PPP2R2A: variants seen among roughly 807,000 people sequenced by gnomAD.
The protein encoded by PPP2R2A is protein phosphatase 2 regulatory subunit Balpha.
PPP2R2A carries 9 observed loss-of-function variants against 53.2 expected under a neutral mutation model. The ratio of observed to expected loss-of-function variants is 0.17; its 90% confidence interval spans 0.10 to 0.30. The LOEUF (loss-of-function observed/expected upper bound fraction) is 0.30, where lower values mean the gene tolerates loss of function less well. Ranked by LOEUF, PPP2R2A falls within the 10% of genes least tolerant of loss-of-function variation. The pLI is 1.00. For missense variants in PPP2R2A, 235 were observed against 534.6 expected, an observed-to-expected ratio of 0.44 and a Z score of 5.53; for synonymous variants, 169 against 174.2, an observed-to-expected ratio of 0.97 and a Z score of 0.23.
Position 26,301,681 on chromosome 8 carries a change from C to T in PPP2R2A, c.82+7941C>T, listed in dbSNP as rs370936163. Among the ~76,000 whole-genome samples, 16 of 152,144 alleles carry T rather than the reference C, an allele frequency of 1.1e-4. No individual in the cohort carries two copies. The East Asian group carries it at 2.5e-3, about 24-fold the overall frequency. ...TATGTGCATTTCTCTGGTCGGAGTC[C>T]GTAGCTGCCATCAAAATTGATATCA... On this transcript the variant is annotated intron_variant, in intron 2 of 9. Coordinates refer to ENST00000380737, the MANE Select transcript of PPP2R2A (RefSeq NM_002717.4).
intron 2 of PPP2R2A, among the ~76,000 whole-genome samples, chr8:26,327,863 C>T (rs1362439685): frequency 1.3e-5 from 2 of 152,048 alleles, no homozygotes; most frequent in Admixed American, 6.6e-5. Context: ...GGTCATGTGA[C>T]CTAACAGAAT....
At chr8:26,327,292 A>G (rs1446970576) in intron 2 of PPP2R2A, among the ~76,000 whole-genome samples, 1 of 152,212 alleles carries the variant, frequency 6.6e-6, no homozygotes, top group Non-Finnish European at 1.5e-5. Flanking sequence ...TTGCCCCTCC[A>G]TGCCTACTGC....
At chr8:26,351,411 A>G (rs1433418360) in intron 3 of PPP2R2A, among the ~76,000 whole-genome samples, 6 of 152,216 alleles carry the variant, frequency 3.9e-5, no homozygotes, top group African/African-American at 1.4e-4. Context: ...AAATTGTAGA[A>G]TTAACTTCCT....
intron 1 of PPP2R2A, chr8:26,292,148 T>G: frequency 8.3e-7 from 1 of 1,211,044 alleles, no homozygotes; most frequent in Non-Finnish European, 1.0e-6. Context: ...GGGAGCCTGG[T>G]GGATCTTCTC....
chr8:26,320,152 A>C (rs767916144), intron 2 of PPP2R2A, among the ~76,000 whole-genome samples: 3 of 152,212 alleles, frequency 2.0e-5, no homozygotes, highest in Non-Finnish European at 4.4e-5. Context: ...TGTGCTGTAC[A>C]GGATAGCTAC....
At chr8:26,308,186 A>G (rs1563286820) in intron 2 of PPP2R2A, among the ~76,000 whole-genome samples, 3 of 152,360 alleles carry the variant, frequency 2.0e-5, no homozygotes, top group Admixed American at 1.3e-4. Flanking sequence ...GCAAGTTTAC[A>G]TTTTTTGCCA....
At chr8:26,315,876 C>G (rs1802530365) in intron 2 of PPP2R2A, among the ~76,000 whole-genome samples, 1 of 152,100 alleles carries the variant, frequency 6.6e-6, no homozygotes. Flanking sequence ...ACAAGTGTAT[C>G]AAAATGTTTA....
intron 2 of PPP2R2A, among the ~76,000 whole-genome samples, chr8:26,300,390 A>G (rs1563281880): frequency 6.6e-6 from 1 of 152,208 alleles, no homozygotes; most frequent in Non-Finnish European, 1.5e-5. Flanking sequence ...TGATTGTAGG[A>G]AGAAAGGTAC....
At chr8:26,312,767 G>T (rs919152762) in intron 2 of PPP2R2A, among the ~76,000 whole-genome samples, 26 of 152,052 alleles carry the variant, frequency 1.7e-4, no homozygotes, top group Non-Finnish European at 3.7e-4. Flanking sequence ...TTTTATCTTT[G>T]CCATTTTTCT....
chr8:26,337,516 C>G (rs996531256), intron 2 of PPP2R2A, among the ~76,000 whole-genome samples: 1 of 152,172 alleles, frequency 6.6e-6, no homozygotes, highest in Admixed American at 6.5e-5. Flanking sequence ...TATTTTTAAT[C>G]CTTTATTCGC....
chr8:26,300,206 C>T (rs540617593), intron 2 of PPP2R2A, among the ~76,000 whole-genome samples: 1 of 152,054 alleles, frequency 6.6e-6, no homozygotes, highest in Non-Finnish European at 1.5e-5. Context: ...AAAAATTAGC[C>T]TTAGGTGTTT....
In PPP2R2A at chr8:26,346,939, G is replaced by A. The variant is rs185091996; in HGVS notation, c.181-7529G>A. On this transcript the variant is annotated intron_variant, in intron 3 of 9. Coordinates refer to ENST00000380737, the MANE Select transcript of PPP2R2A (RefSeq NM_002717.4). The stretch of plus-strand genomic sequence containing the variant: ...TCTGAAATCAGGCGCCTCAAATGTC[G>A]GGGTGTCATGCATTTACCTGCATCA... Among the ~76,000 whole-genome samples, 33 of 152,212 alleles carry A rather than the reference G, an allele frequency of 2.2e-4. No individual in the cohort carries two copies. The East Asian group carries it at 5.2e-3, about 24-fold the overall frequency.
Position 26,291,691 on chromosome 8 carries a change from G to A in PPP2R2A, c.-129G>A. On this transcript the variant is annotated 5_prime_UTR_variant, in exon 1 of 10. Transcript: ENST00000380737. Reference sequence around the variant, plus strand: ...CTCCTTCCTTTTCCCCCCGGCCCCCGTCCCCTCCCCCCGCAGGTGCCATCC... The same window carrying A: ...CTCCTTCCTTTTCCCCCCGGCCCCCATCCCCTCCCCCCGCAGGTGCCATCC... The A allele has an allele frequency of 9.7e-6, 1 of 102,728 alleles. No homozygotes were observed. Among genetic ancestry groups the A allele is most frequent in the Non-Finnish European group, 1.9e-5 (1 of 51,602 alleles). The allele number at this position is 102,728 out of a possible 1,614,324, so 6.4% of individuals were successfully genotyped here.
intron 3 of PPP2R2A, among the ~76,000 whole-genome samples, chr8:26,341,520 C>G (rs1406575771): frequency 6.6e-6 from 1 of 152,152 alleles, no homozygotes; most frequent in Non-Finnish European, 1.5e-5. Context: ...ATAGTCCTTT[C>G]CTAATTTGTA....
rs192582268 is a variant in PPP2R2A, at chr8:26,317,847, G to T, written c.83-21043G>T. 2.0e-5 allele frequency among the ~76,000 whole-genome samples: 3 copies of T among 152,304 alleles called. No individual in the cohort carries two copies. The East Asian group carries it at 5.8e-4, about 29-fold the overall frequency. ...GTTTTGCCAGAGATTACCCAGGATT[G>T]CAGGTTTGTTCTGCTCAGGGTCTAG... On this transcript the variant is annotated intron_variant, in intron 2 of 9. Coordinates refer to ENST00000380737, the MANE Select transcript of PPP2R2A (RefSeq NM_002717.4).
In PPP2R2A at chr8:26,338,708, AT is replaced by A. The variant is rs1002028235; in HGVS notation, c.83-180del. 6.6e-6 allele frequency among the ~76,000 whole-genome samples: 1 copy of A among 152,210 alleles called. No individual in the cohort carries two copies. Among genetic ancestry groups the A allele is most frequent in the African/African-American group, 2.4e-5 (1 of 41,458 alleles). ...CTGGTTTATTCTGAGGAGAATTTTT[AT>A]TAGTGGATCAAAATATTTATGAAAG... On this transcript the variant is annotated intron_variant, in intron 2 of 9. Coordinates refer to ENST00000380737, the MANE Select transcript of PPP2R2A (RefSeq NM_002717.4). This position sits in a 1 kb window ranked among gnomAD's most constrained non-coding sequence, Gnocchi z 4.5.
chr8:26,363,430 A>G (rs1172539637), intron 7 of PPP2R2A: 1 of 240,058 alleles, frequency 4.2e-6, no homozygotes, highest in African/African-American at 2.2e-5. Context: ...TTGCAGGAAT[A>G]ATACCAATAA....
chr8:26,357,283 ACCC>A (rs11365852), intron 4 of PPP2R2A, among the ~76,000 whole-genome samples: 16 of 105,150 alleles, frequency 1.5e-4, no homozygotes, highest in South Asian at 4.6e-4. Context: ...GCATAGTAAC[ACCC>A]CCCCCCCCCA....
chr8:26,369,985 C>G, intron 9 of PPP2R2A, 149 bp from the exon 10 acceptor site: 3 of 727,250 alleles, frequency 4.1e-6, no homozygotes, highest in Non-Finnish European at 6.7e-6. Context: ...CTGGTTTATT[C>G]TAGTGATTGA....
Sources: allele counts gnomAD v4.1 joint callset (sites outside exome capture counted in the v4.1 genomes callset), GRCh38; gene constraint gnomAD v4.1.1; non-coding constraint Gnocchi (gnomAD v3.1); transcripts MANE v1.5; gene names NCBI Gene and HGNC (gene_info 2026-07-23, HGNC 2026-07-21).